SEPTIN2: variants seen among roughly 807,000 people sequenced by gnomAD.
The protein encoded by SEPTIN2 is septin-2.
A neutral mutation model predicts 46.5 loss-of-function variants in SEPTIN2; 34 were observed. The ratio of observed to expected loss-of-function variants is 0.73; its 90% CI spans 0.56 to 0.97. The LOEUF is 0.97. Ranked by LOEUF, SEPTIN2 falls within the 50% of genes least tolerant of loss-of-function variation. The pLI, the probability that SEPTIN2 is intolerant of heterozygous loss-of-function variation, is 0.00. For missense variants in SEPTIN2, 347 were observed against 448.4 expected (o/e 0.77, Z 2.04); for synonymous variants, 175 against 153.4 (o/e 1.14, Z -1.04).
At position 241,327,820 on chromosome 2, in the gene SEPTIN2, A is replaced by G. The variant is rs114584162; in HGVS notation, c.130+1707A>G. On this transcript the variant is annotated intron_variant, in intron 3 of 12. Transcript: ENST00000391971. ...AATCCTAGCACTTTGGGAGGCCAACATGGGTGGATCACTTCAGCCCAGGAG... is the reference window on the plus strand; with the variant it reads ...AATCCTAGCACTTTGGGAGGCCAACGTGGGTGGATCACTTCAGCCCAGGAG... 6.9e-3 allele frequency among the ~76,000 whole-genome samples: 1,037 copies of G among 149,364 alleles called. 9 individuals are homozygous for G. The highest frequency in any genetic ancestry group is 0.024 in the African/African-American group (970 of 40,572).
intron 7 of SEPTIN2, among the ~76,000 whole-genome samples, chr2:241,339,849 A>G (rs2081014747): frequency 6.6e-6 from 1 of 152,174 alleles, no homozygotes; most frequent in African/African-American, 2.4e-5. Flanking sequence ...CACACTGCAT[A>G]AAGTATTTCT....
chr2:241,319,741 G>A (rs925327629), intron 1 of SEPTIN2, among the ~76,000 whole-genome samples: 3 of 152,188 alleles, frequency 2.0e-5, no homozygotes, highest in East Asian at 3.9e-4. Flanking sequence ...ACGGGTGCCC[G>A]CCACCACACC....
chr2:241,331,392 C>T (rs528491502), intron 3 of SEPTIN2, among the ~76,000 whole-genome samples: 12 of 152,126 alleles, frequency 7.9e-5, no homozygotes, highest in Non-Finnish European at 1.6e-4. Context: ...GCCCTTTCTC[C>T]CCCAAATTGT....
chr2:241,339,307 C>A (rs897643750), intron 7 of SEPTIN2, among the ~76,000 whole-genome samples: 2 of 150,768 alleles, frequency 1.3e-5, no homozygotes. Context: ...GCAAAAGAAT[C>A]GCTTCAACCC....
At position 241,353,929 on chromosome 2, in the gene SEPTIN2, CTA is replaced by C. The variant is rs1234585536; in HGVS notation, c.*1995_*1996del. 1 of 152,576 alleles carries C rather than the reference CTA, an allele frequency of 6.6e-6. No homozygotes were observed. Among genetic ancestry groups the C allele is most frequent in the African/African-American group, 2.4e-5 (1 of 41,432 alleles). The allele number at this position is 152,576 out of a possible 1,614,324, so 9.5% of individuals were successfully genotyped here. A position where few individuals can be genotyped will look rare whatever the true frequency, so the allele number is the denominator to read the frequency against. On this transcript the variant is annotated 3_prime_UTR_variant, in exon 13 of 13. Coordinates refer to ENST00000391971, the MANE Select transcript of SEPTIN2 (RefSeq NM_004404.5). ...TCTTTTACTAAGACATAGTCTCTAC[CTA>C]TAGAAATGTATTTTGAAAACACTTA... is the stretch of plus-strand genomic sequence containing the variant.
chr2:241,347,931 C>G (rs983381880), intron 10 of SEPTIN2, among the ~76,000 whole-genome samples: 1 of 152,076 alleles, frequency 6.6e-6, no homozygotes, highest in Admixed American at 6.5e-5. Context: ...GGGAGAATTG[C>G]TTGAACCTAG....
chr2:241,344,638 G>T (rs1330505288), intron 9 of SEPTIN2, among the ~76,000 whole-genome samples: 1 of 152,198 alleles, frequency 6.6e-6, no homozygotes, highest in Non-Finnish European at 1.5e-5. Flanking sequence ...AGGAGGCAGA[G>T]GTTGCAGTGA....
chr2:241,316,319 G>T (rs1443638058), intron 1 of SEPTIN2: 2 of 430,200 alleles, frequency 4.6e-6, no homozygotes, highest in Non-Finnish European at 8.3e-6. Flanking sequence ...GGTCGAGGTC[G>T]GGAGGTTTGG....
intron 1 of SEPTIN2, among the ~76,000 whole-genome samples, chr2:241,322,498 TCGGGAGGCTGAGG>T: frequency 6.6e-6 from 1 of 151,556 alleles, no homozygotes; most frequent in Middle Eastern, 3.4e-3. Context: ...TCCCAGCTAC[TCGGGAGGCTGAGG>T]CAGGAGAAGG....
chr2:241,335,847 C>A lies in SEPTIN2; in HGVS notation c.218-128C>A, dbSNP rs75066324. ...TCTCTGGGATCTTTTTTTCTTAATC[C>A]CCATGGTATCTTTGGAGAACCTACC... On this transcript the variant is annotated intron_variant, in intron 4 of 12. Coordinates refer to ENST00000391971, the MANE Select transcript of SEPTIN2 (RefSeq NM_004404.5). 12,614 of 1,166,294 alleles carry A rather than the reference C, an allele frequency of 0.011. 753 individuals are homozygous for A. The Admixed American group carries it at 0.14, about 13-fold the overall frequency. 72.2% of individuals were successfully genotyped at this position (1,166,294 alleles called of 1,614,324 possible). A position where few individuals can be genotyped will look rare whatever the true frequency, so the allele number is the denominator to read the frequency against.
intron 7 of SEPTIN2, among the ~76,000 whole-genome samples, chr2:241,340,004 T>C (rs2081039810): frequency 6.6e-6 from 1 of 152,224 alleles, no homozygotes; most frequent in Admixed American, 6.5e-5. Context: ...TGAACACTGG[T>C]GTACATCTAT....
chr2:241,323,025 A>G (rs2077376583), intron 1 of SEPTIN2, among the ~76,000 whole-genome samples: 2 of 152,102 alleles, frequency 1.3e-5, no homozygotes, highest in Non-Finnish European at 2.9e-5. Flanking sequence ...TCAACTTAAA[A>G]ATTTTTTTAA....
chr2:241,348,093 T>A, intron 10 of SEPTIN2, 41 bp from the exon 11 acceptor site: 1 of 1,514,808 alleles, frequency 6.6e-7, no homozygotes. Flanking sequence ...CAAATAACTA[T>A]TTGTTGCAGT....
At chr2:241,315,799 G>A (rs1280823649), upstream of SEPTIN2, 2 of 152,464 alleles carry the variant, frequency 1.3e-5, no homozygotes, top group Non-Finnish European at 2.9e-5. Flanking sequence ...CATGGGGGAG[G>A]GGAAGAAGGC....
At chr2:241,319,908 T>C (rs990251019) in intron 1 of SEPTIN2, among the ~76,000 whole-genome samples, 2 of 152,248 alleles carry the variant, frequency 1.3e-5, no homozygotes, top group African/African-American at 4.8e-5. Flanking sequence ...GTTTTCTTAC[T>C]GTTTTCATTA....
At chr2:241,315,878 C>T (rs1415607443), upstream of SEPTIN2, 1 of 139,136 alleles carries the variant, frequency 7.2e-6, no homozygotes, top group African/African-American at 2.8e-5. Flanking sequence ...TCCGCCTGCG[C>T]GCTGGGCGGG....
chr2:241,326,704 A>G (rs969278867), intron 3 of SEPTIN2, among the ~76,000 whole-genome samples: 3 of 152,214 alleles, frequency 2.0e-5, no homozygotes, highest in Non-Finnish European at 4.4e-5. Flanking sequence ...GCCAGCTGTC[A>G]TGTCAAGAGA....
At chr2:241,345,224 G>A (rs931372170) in intron 9 of SEPTIN2, among the ~76,000 whole-genome samples, 2 of 152,206 alleles carry the variant, frequency 1.3e-5, no homozygotes, top group African/African-American at 4.8e-5. Context: ...TTGATTAGCT[G>A]AAAGTCGCTA....
chr2:241,343,915 T>C lies in SEPTIN2; in HGVS notation c.842+18T>C, dbSNP rs369655070. 1 of 1,612,956 alleles carries C rather than the reference T, an allele frequency of 6.2e-7. No individual in the cohort carries two copies. Among genetic ancestry groups the C allele is most frequent in the African/African-American group, 1.3e-5 (1 of 75,036 alleles). On this transcript the variant is annotated intron_variant, in intron 9 of 12. Coordinates refer to ENST00000391971, the MANE Select transcript of SEPTIN2 (RefSeq NM_004404.5). The stretch of plus-strand genomic sequence containing the variant: ...ATGCTCATGTAAGACATTTGGTGTG[T>C]TCCTTCTGGCAGAATTTGGCGTGAA...
Sources: allele counts gnomAD v4.1 joint callset (sites outside exome capture counted in the v4.1 genomes callset), GRCh38; gene constraint gnomAD v4.1.1; transcripts MANE v1.5; gene names NCBI Gene and HGNC (gene_info 2026-07-23, HGNC 2026-07-21).